The following NELL1 variants were observed in gnomAD, a reference collection of about 807,000 sequenced individuals.
NELL1 encodes neural EGFL like 1, also known as protein kinase C-binding protein NELL1.
A neutral mutation model predicts 107.4 loss-of-function variants in NELL1; 76 were observed. The ratio of observed to expected loss-of-function variants is 0.71; its 90% confidence interval spans 0.59 to 0.86. NELL1 has a LOEUF of 0.86. Among genes scored for constraint, NELL1 ranks in the 40% least tolerant of loss-of-function variants. The pLI is 0.00. For missense variants in NELL1, 1,024 were observed against 1,005.5 expected (o/e 1.02, Z -0.25); for synonymous variants, 353 against 341.2 (o/e 1.03, Z -0.38).
chr11:21,276,978 A>G (rs1400851556), intron 14 of NELL1, among the ~76,000 whole-genome samples: 2 of 151,646 alleles, frequency 1.3e-5, no homozygotes, highest in African/African-American at 4.8e-5. Context: ...CATTCAGGAC[A>G]TAGGCATGGG....
intron 14 of NELL1, among the ~76,000 whole-genome samples, chr11:21,317,605 C>A (rs527724870): frequency 3.4e-4 from 51 of 151,630 alleles, no homozygotes; most frequent in Admixed American, 3.2e-3. Context: ...CCCTTCCTTG[C>A]GGCATTTGAC....
At chr11:21,061,031 G>C (rs1236573919) in intron 12 of NELL1, among the ~76,000 whole-genome samples, 1 of 152,296 alleles carries the variant, frequency 6.6e-6, no homozygotes, top group South Asian at 2.1e-4. Flanking sequence ...CACCACGCCT[G>C]GCCCCACCCT....
chr11:21,299,106 C>T (rs1849437432), intron 14 of NELL1, among the ~76,000 whole-genome samples: 1 of 151,938 alleles, frequency 6.6e-6, no homozygotes, highest in African/African-American at 2.4e-5. Context: ...CCCAGGATCC[C>T]CACTGAGTTG....
At chr11:21,486,671 T>C (rs140459971) in intron 15 of NELL1, among the ~76,000 whole-genome samples, 46 of 152,168 alleles carry the variant, frequency 3.0e-4, no homozygotes, top group African/African-American at 1.1e-3. Flanking sequence ...AAATACTGAT[T>C]TTAAAGAAGC....
intron 12 of NELL1, among the ~76,000 whole-genome samples, chr11:21,068,135 T>C (rs115901810): frequency 1.3e-3 from 195 of 151,746 alleles, no homozygotes; most frequent in African/African-American, 4.4e-3. Context: ...GGAGATGTAT[T>C]CATTCTGGTG....
intron 12 of NELL1, 55 bp from the exon 13 acceptor site, chr11:21,113,534 C>T (rs112598952): frequency 9.9e-6 from 15 of 1,521,420 alleles, no homozygotes; most frequent in African/African-American, 4.1e-5. Flanking sequence ...AAAATGATTA[C>T]ACTGTTGTTC....
intron 13 of NELL1, among the ~76,000 whole-genome samples, chr11:21,178,894 C>A (rs930611012): frequency 2.0e-5 from 3 of 151,454 alleles, no homozygotes; most frequent in Admixed American, 6.6e-5. Context: ...TGGAAGGTAA[C>A]CCATGTGGTT....
At chr11:20,861,198 A>G (rs767980989) in intron 4 of NELL1, among the ~76,000 whole-genome samples, 2 of 152,228 alleles carry the variant, frequency 1.3e-5, no homozygotes, top group Non-Finnish European at 2.9e-5. Flanking sequence ...AGAAGTGGTC[A>G]TTATTAGCAG....
chr11:20,887,442 C>A (rs1368268246), intron 5 of NELL1, among the ~76,000 whole-genome samples: 3 of 152,150 alleles, frequency 2.0e-5, no homozygotes, highest in Non-Finnish European at 4.4e-5. Flanking sequence ...AGCAGCTGTG[C>A]CAGTTTTTGC....
intron 1 of NELL1, among the ~76,000 whole-genome samples, chr11:20,675,525 G>C (rs1854032941): frequency 6.6e-6 from 1 of 152,184 alleles, no homozygotes; most frequent in Non-Finnish European, 1.5e-5. Context: ...AGGCACTTGG[G>C]CGACAGGGGT....
At chr11:20,979,164 A>G (rs1478113330) in intron 12 of NELL1, among the ~76,000 whole-genome samples, 1 of 152,226 alleles carries the variant, frequency 6.6e-6, no homozygotes, top group African/African-American at 2.4e-5. Flanking sequence ...AAGAAACTGT[A>G]AATCTTTCCA....
intron 12 of NELL1, among the ~76,000 whole-genome samples, chr11:21,011,560 G>A (rs540485707): frequency 2.6e-5 from 4 of 152,224 alleles, no homozygotes; most frequent in Admixed American, 1.3e-4. Context: ...GGGAGATTGT[G>A]TCCTCAGACC....
intron 3 of NELL1, among the ~76,000 whole-genome samples, chr11:20,814,929 A>G (rs896959742): frequency 1.3e-5 from 2 of 152,274 alleles, no homozygotes; most frequent in East Asian, 3.9e-4. Flanking sequence ...TCTCACCAGT[A>G]GTGTGTAAAT....
chr11:20,695,140 T>C (rs1282730633), intron 2 of NELL1, among the ~76,000 whole-genome samples: 1 of 152,154 alleles, frequency 6.6e-6, no homozygotes, highest in Non-Finnish European at 1.5e-5. Context: ...TATACATTGA[T>C]TTTCTCTCCT....
chr11:21,527,637 G>A (rs972472229), intron 15 of NELL1, among the ~76,000 whole-genome samples: 1 of 152,158 alleles, frequency 6.6e-6, no homozygotes, highest in African/African-American at 2.4e-5. Flanking sequence ...GCAAACTGAG[G>A]AGCCAAGAAG....
At chr11:21,244,108 T>C (rs1241417875) in intron 14 of NELL1, among the ~76,000 whole-genome samples, 1 of 152,118 alleles carries the variant, frequency 6.6e-6, no homozygotes, top group East Asian at 1.9e-4. Flanking sequence ...AACTTCACCA[T>C]AAAGTCAGAT....
At chr11:21,184,637 T>C (rs908803830) in intron 13 of NELL1, among the ~76,000 whole-genome samples, 5 of 151,920 alleles carry the variant, frequency 3.3e-5, no homozygotes, top group Admixed American at 2.6e-4. Flanking sequence ...TGTAAGTCAA[T>C]GTCTCTGAAG....
At chr11:20,885,653 T>A (rs1198086465) in intron 5 of NELL1, 113 bp downstream of exon 5, 1 of 684,530 alleles carries the variant, frequency 1.5e-6, no homozygotes, top group Non-Finnish European at 2.6e-6. Context: ...CATGGCATAA[T>A]AGCTACTAAT....
intron 15 of NELL1, among the ~76,000 whole-genome samples, chr11:21,505,720 T>C (rs2133937763): frequency 6.6e-6 from 1 of 152,328 alleles, no homozygotes; most frequent in South Asian, 2.1e-4. Context: ...TTCTCATCTT[T>C]ATCTAATAGT....
Sources: gnomAD v4.1 joint callset for allele counts (sites outside exome capture counted in the v4.1 genomes callset) on GRCh38, gnomAD v4.1.1 for gene constraint, MANE v1.5 for transcripts, NCBI Gene and HGNC (gene_info 2026-07-23, HGNC 2026-07-21) for gene names.